Variants in DNAH14 observed in about 807,000 individuals in gnomAD.
DNAH14 encodes axonemal beta dynein heavy chain 14.
A neutral mutation model predicts 520.9 loss-of-function variants in DNAH14; 478 were observed. That is an observed-to-expected ratio of 0.92 (90% CI 0.85 to 0.99). The LOEUF (loss-of-function observed/expected upper bound fraction) is 0.99. Ranked by LOEUF, DNAH14 falls within the 50% of genes least tolerant of loss-of-function variation. DNAH14 has a pLI of 0.00. For synonymous variants in DNAH14, 1,581 were observed against 1,757.2 expected, an observed-to-expected ratio of 0.90 and a Z score of 2.51; for missense variants, 4,831 against 5,234.5, an observed-to-expected ratio of 0.92 and a Z score of 2.38.
At chr1:225,134,737 T>C (rs939396056) in intron 27 of DNAH14, among the ~76,000 whole-genome samples, 1 of 152,196 alleles carries the variant, frequency 6.6e-6, no homozygotes, top group Non-Finnish European at 1.5e-5. Flanking sequence ...GCTGGCCTCA[T>C]AGAATGAGTT....
chr1:225,212,708 T>G (rs1430591387), intron 41 of DNAH14, among the ~76,000 whole-genome samples: 1 of 152,224 alleles, frequency 6.6e-6, no homozygotes, highest in Non-Finnish European at 1.5e-5. Flanking sequence ...TTTCTTCTTT[T>G]GAGAAGTGTC....
intron 11 of DNAH14, among the ~76,000 whole-genome samples, chr1:225,034,297 T>C (rs1250860454): frequency 6.6e-6 from 1 of 152,174 alleles, no homozygotes; most frequent in African/African-American, 2.4e-5. Context: ...GAAAGCCTTT[T>C]TTGCATCTGT....
At chr1:225,398,377 A>G (rs903198958) in intron 84 of DNAH14, 143 bp from the exon 85 acceptor site, 23 of 1,004,824 alleles carry the variant, frequency 2.3e-5, no homozygotes, top group Middle Eastern at 3.3e-4. Flanking sequence ...AGGAAAAAAA[A>G]TAAGTATTCA....
intron 8 of DNAH14, among the ~76,000 whole-genome samples, chr1:224,999,418 T>C (rs1274653369): frequency 1.3e-5 from 2 of 152,076 alleles, no homozygotes; most frequent in African/African-American, 4.8e-5. Flanking sequence ...TTGGTCAGGC[T>C]GGTCTCGAAC....
chr1:225,212,121 G>A (rs2088535759), intron 41 of DNAH14, among the ~76,000 whole-genome samples: 2 of 132,816 alleles, frequency 1.5e-5, no homozygotes, highest in South Asian at 4.5e-4. Context: ...TGTTCTCATT[G>A]TTCAATTCCC....
At position 225,381,514 on chromosome 1, in the gene DNAH14, C is replaced by A. The variant is rs2095783341; in HGVS notation, c.13012C>A (p.Leu4338Ile). The A allele has an allele frequency of 6.5e-7, 1 of 1,549,082 alleles. No homozygotes were observed. Among genetic ancestry groups the A allele is most frequent in the South Asian group, 1.2e-5 (1 of 83,408 alleles). Residue 4338 changes from leucine (L) to isoleucine (I), a missense_variant, in exon 81 of 86, where the codon CTC becomes ATC. Transcript: ENST00000682510. Reference protein sequence around the residue: ...LQLAIKGEIILTQELEEIFNS... With the variant: ...LQLAIKGEIIITQELEEIFNS... ...GCTTGCTATAAAAGGAGAGATCATCCTCACCCAAGAATTGGAGGAAATATT... is the reference window on the plus strand; with the variant it reads ...GCTTGCTATAAAAGGAGAGATCATCATCACCCAAGAATTGGAGGAAATATT...
intron 8 of DNAH14, among the ~76,000 whole-genome samples, chr1:224,980,547 TG>T (rs1256322278): frequency 6.6e-6 from 1 of 152,186 alleles, no homozygotes; most frequent in African/African-American, 2.4e-5. Context: ...ATCCAGGGCC[TG>T]GGGGATCTCA....
intron 15 of DNAH14, among the ~76,000 whole-genome samples, chr1:225,047,525 G>T (rs1221702631): frequency 6.6e-6 from 1 of 152,034 alleles, no homozygotes; most frequent in Admixed American, 6.6e-5. Flanking sequence ...AGGGCAACAG[G>T]GTATACCATA....
At chr1:225,074,917 C>G (rs1026026249) in intron 17 of DNAH14, among the ~76,000 whole-genome samples, 2 of 152,164 alleles carry the variant, frequency 1.3e-5, no homozygotes, top group Non-Finnish European at 2.9e-5. Context: ...AAAGTAGCAC[C>G]CCCAGACTAT....
At chr1:225,374,618 T>C (rs2095672304) in intron 77 of DNAH14, 70 bp from the exon 78 acceptor site, 1 of 1,306,578 alleles carries the variant, frequency 7.7e-7, no homozygotes, top group African/African-American at 1.5e-5. Flanking sequence ...GTTGATTTTA[T>C]GTTAAAAAGT....
Position 225,303,306 on chromosome 1 carries a change from A to G in DNAH14, c.8782A>G (p.Asn2928Asp). Reference protein sequence around the residue: ...WPEEALLIVANSFLKEKVNFE... With the variant: ...WPEEALLIVADSFLKEKVNFE... The stretch of plus-strand genomic sequence containing the variant: ...AGAAGAAGCTCTCCTTATTGTAGCT[A>G]ACTCATTCTTAAAAGAAAAGGTCAA... The change falls in exon 57 of 86, where the codon AAC (asparagine) becomes GAC (aspartate). Residue 2928 changes from asparagine (N) to aspartate (D), a missense_variant. By Grantham distance (23) the Asn-to-Asp change is conservative (BLOSUM62 1). Coordinates refer to ENST00000682510, the MANE Select transcript of DNAH14 (RefSeq NM_001367479.1). The G allele has an allele frequency of 6.5e-7, 1 of 1,549,852 alleles. No homozygotes were observed. Among genetic ancestry groups the G allele is most frequent in the Non-Finnish European group, 8.7e-7 (1 of 1,146,466 alleles).
chr1:225,119,326 T>C lies in DNAH14; in HGVS notation c.4166+32T>C, dbSNP rs752357580. Reference sequence around the variant, plus strand: ...ACAATTTTCAAATCCTAAAATTATATATTTTATATATATACTTGCACATAT... The same window carrying C: ...ACAATTTTCAAATCCTAAAATTATACATTTTATATATATACTTGCACATAT... On this transcript the variant is annotated intron_variant, in intron 26 of 85. Coordinates refer to ENST00000682510, the MANE Select transcript of DNAH14 (RefSeq NM_001367479.1). 5.0e-6 allele frequency: 7 copies of C among 1,405,790 alleles called. No individual in the cohort carries two copies. The African/African-American group carries it at 8.7e-5, about 18-fold the overall frequency. 87.1% of individuals were successfully genotyped at this position (1,405,790 alleles called of 1,614,324 possible).
intron 10 of DNAH14, among the ~76,000 whole-genome samples, chr1:225,016,867 T>G (rs888803322): frequency 1.3e-5 from 2 of 151,918 alleles, no homozygotes; most frequent in African/African-American, 4.8e-5. Flanking sequence ...CTTCATTAAA[T>G]TTTTCAGTTC....
intron 71 of DNAH14, among the ~76,000 whole-genome samples, chr1:225,347,415 G>A (rs2095303007): frequency 6.6e-6 from 1 of 152,142 alleles, no homozygotes; most frequent in Non-Finnish European, 1.5e-5. Flanking sequence ...CCCCCTCTTT[G>A]TGGTATAATG....
chr1:225,353,694 A>G (rs1346396488), intron 72 of DNAH14, 109 bp from the exon 73 acceptor site: 6 of 342,144 alleles, frequency 1.8e-5, no homozygotes, highest in Admixed American at 4.9e-5. Flanking sequence ...CCATGTTTAG[A>G]AAAAAAAAAA....
intron 35 of DNAH14, among the ~76,000 whole-genome samples, chr1:225,162,377 G>C (rs2081601836): frequency 6.6e-6 from 1 of 151,942 alleles, no homozygotes; most frequent in Admixed American, 6.6e-5. Context: ...CTATTTTCTG[G>C]TCTTTTCCAT....
chr1:224,994,253 G>C (rs2063246431), intron 8 of DNAH14, among the ~76,000 whole-genome samples: 1 of 151,924 alleles, frequency 6.6e-6, no homozygotes, highest in African/African-American at 2.4e-5. Context: ...TGAATGATCT[G>C]TCCATTGTTG....
intron 2 of DNAH14, 132 bp from the exon 3 acceptor site, chr1:224,954,827 C>T: frequency 1.6e-6 from 1 of 633,272 alleles, no homozygotes; most frequent in Non-Finnish European, 2.7e-6. Context: ...AGCATGTTAA[C>T]CATAGCATTT....
At chr1:225,014,458 G>A (rs1311020613) in intron 10 of DNAH14, among the ~76,000 whole-genome samples, 1 of 151,300 alleles carries the variant, frequency 6.6e-6, no homozygotes, top group Non-Finnish European at 1.5e-5. Flanking sequence ...CTATAAATTT[G>A]CCTCTTAGTA....
Sources: allele counts gnomAD v4.1 joint callset (sites outside exome capture counted in the v4.1 genomes callset), GRCh38; gene constraint gnomAD v4.1.1; transcripts MANE v1.5; gene names NCBI Gene and HGNC (gene_info 2026-07-23, HGNC 2026-07-21).